The following AP2A2 variants were observed in gnomAD, a reference collection of about 807,000 sequenced individuals.
AP2A2 encodes the protein AP-2 complex subunit alpha-2.
Under a neutral mutation model 104.2 loss-of-function variants are expected in AP2A2, and 32 were observed. The ratio of observed to expected loss-of-function variants is 0.31; its 90% CI spans 0.23 to 0.41. The LOEUF (loss-of-function observed/expected upper bound fraction) is 0.41, where lower values mean the gene tolerates loss of function less well. Among genes scored for constraint, AP2A2 ranks in the 10% least tolerant of loss-of-function variants. The pLI, the probability that AP2A2 is intolerant of heterozygous loss-of-function variation, is 1.00. For missense variants in AP2A2, 912 were observed against 1,261.0 expected, an observed-to-expected ratio of 0.72 and a Z score of 4.19; for synonymous variants, 539 against 533.3, an observed-to-expected ratio of 1.01 and a Z score of -0.15.
rs1212966748 is a variant in AP2A2 at position 1,011,297 on chromosome 11, G to A, written c.*672G>A. The A allele has an allele frequency of 1.9e-6, 1 of 518,880 alleles. No individual in the cohort carries two copies. The highest frequency in any genetic ancestry group is 1.4e-5 in the South Asian group (1 of 71,594). The allele number at this position is 518,880 out of a possible 1,614,324, so 32.1% of individuals were successfully genotyped here. ...TCCTGCAGTCGCCGAGGCCTTGGAT[G>A]TGCAGCCAGGGGAGGAGCGTCCTGC... is the stretch of plus-strand genomic sequence containing the variant. On this transcript the variant is annotated 3_prime_UTR_variant, in exon 22 of 22. Transcript: ENST00000448903.
chr11:965,706 G>A (rs992276104), intron 2 of AP2A2, among the ~76,000 whole-genome samples: 1 of 152,248 alleles, frequency 6.6e-6, no homozygotes, highest in South Asian at 2.1e-4. Flanking sequence ...GCATGGGCAA[G>A]AAATCAGTGC....
chr11:963,175 C>G (rs971576301), intron 2 of AP2A2, among the ~76,000 whole-genome samples: 2 of 152,066 alleles, frequency 1.3e-5, no homozygotes, highest in African/African-American at 4.8e-5. Context: ...CCTGTAATTC[C>G]AGCCCTTTGG....
At chr11:984,897 T>C in intron 7 of AP2A2, 144 bp downstream of exon 7, 1 of 724,894 alleles carries the variant, frequency 1.4e-6, no homozygotes, top group Non-Finnish European at 2.3e-6. Context: ...AGTGCTGCTG[T>C]ATGCGCTGGC....
At chr11:985,976 C>T (rs1312256827) in intron 8 of AP2A2, among the ~76,000 whole-genome samples, 8 of 152,246 alleles carry the variant, frequency 5.3e-5, no homozygotes, top group African/African-American at 1.9e-4. Flanking sequence ...GTGCTGGAAA[C>T]GTCTGTGCCC....
chr11:1,003,655 C>T, intron 15 of AP2A2, 67 bp from the exon 16 acceptor site: 3 of 1,105,870 alleles, frequency 2.7e-6, no homozygotes, highest in Non-Finnish European at 3.8e-6. Context: ...AGTTTTTTTC[C>T]AGAACAAACC....
In AP2A2 at chr11:968,360, G is replaced by A. The variant is rs1448637543; in HGVS notation, c.137-1809G>A. 6.6e-6 allele frequency among the ~76,000 whole-genome samples: 1 copy of A among 152,078 alleles called. No homozygotes were observed. The highest frequency in any genetic ancestry group is 1.5e-5 in the Non-Finnish European group (1 of 68,020). Reference sequence around the variant, plus strand: ...CCCGGGAGCTCTAGAGCAGCTCTTCGTCTGGGGTCCCGCGGGAGCAGAGGC... The same window carrying A: ...CCCGGGAGCTCTAGAGCAGCTCTTCATCTGGGGTCCCGCGGGAGCAGAGGC... On this transcript the variant is annotated intron_variant, in intron 2 of 21. Coordinates refer to ENST00000448903, the MANE Select transcript of AP2A2 (RefSeq NM_012305.4). The surrounding 1 kb of genome is among the most constrained non-coding windows in gnomAD (Gnocchi z 4.2).
At chr11:997,222 G>C (rs988004812) in intron 14 of AP2A2, among the ~76,000 whole-genome samples, 1 of 152,090 alleles carries the variant, frequency 6.6e-6, no homozygotes, top group African/African-American at 2.4e-5. Flanking sequence ...TACTTCTTCC[G>C]AGCATCCTCT....
chr11:995,324 T>C, intron 14 of AP2A2: 1 of 455,942 alleles, frequency 2.2e-6, no homozygotes, highest in Non-Finnish European at 4.4e-6. Flanking sequence ...GAATGTGTCC[T>C]GTGGTATTTG....
At chr11:960,484 C>T (rs932287132) in intron 2 of AP2A2, among the ~76,000 whole-genome samples, 4 of 150,996 alleles carry the variant, frequency 2.6e-5, no homozygotes, top group African/African-American at 9.7e-5. Context: ...GTGATCTGCC[C>T]GCCTCGGCCT....
At chr11:928,365 T>C (rs1565221889) in intron 1 of AP2A2, among the ~76,000 whole-genome samples, 1 of 152,228 alleles carries the variant, frequency 6.6e-6, no homozygotes, top group Non-Finnish European at 1.5e-5. Flanking sequence ...TTCATAGGTA[T>C]GTGTGGGAAA....
intron 6 of AP2A2, among the ~76,000 whole-genome samples, chr11:982,074 A>T (rs562890667): frequency 7.0e-4 from 107 of 152,334 alleles, no homozygotes; most frequent in Middle Eastern, 3.4e-3. Flanking sequence ...CTTTTGAGAC[A>T]GAGTCTCACT....
chr11:927,448 A>G (rs1217160341), intron 1 of AP2A2, among the ~76,000 whole-genome samples: 1 of 151,080 alleles, frequency 6.6e-6, no homozygotes. Flanking sequence ...GATCAGGAGG[A>G]TAGTGGTTCT....
chr11:966,222 G>A (rs912396672), intron 2 of AP2A2, among the ~76,000 whole-genome samples: 3 of 152,232 alleles, frequency 2.0e-5, no homozygotes, highest in Admixed American at 2.0e-4. Flanking sequence ...GCCAGGCGCG[G>A]TGGCTCGTGC....
rs751066726 is a variant in AP2A2, at chr11:1,000,567, C to T, written c.2092C>T (p.Leu698Phe). 1 of 1,550,708 alleles carries T rather than the reference C, an allele frequency of 6.4e-7. No individual in the cohort carries two copies. The change falls in exon 15 of 22, where the codon CTC becomes TTC. Residue 698 changes from leucine to phenylalanine, a missense_variant. Leu to Phe is a conservative substitution (Grantham distance 22). Coordinates refer to ENST00000448903, the MANE Select transcript of AP2A2 (RefSeq NM_012305.4). ...FSDSASVVAP[L>F]APGSEDNFAR... ...AGACTCGGCCTCTGTGGTCGCGCCT[C>T]TCGCTCCTGGCTCCGAAGACAACTT... is the stretch of plus-strand genomic sequence containing the variant.
chr11:930,850 T>A (rs530116401), intron 1 of AP2A2, among the ~76,000 whole-genome samples: 4 of 152,292 alleles, frequency 2.6e-5, no homozygotes, highest in African/African-American at 9.6e-5. Context: ...ACATCTTGCA[T>A]AACTACAGGA....
At chr11:987,794 G>A (rs1345020102) in intron 9 of AP2A2, among the ~76,000 whole-genome samples, 2 of 152,246 alleles carry the variant, frequency 1.3e-5, no homozygotes, top group Non-Finnish European at 2.9e-5. Context: ...CCTAGTCACC[G>A]GTGCACATGC....
chr11:1,007,710 CA>C (rs1304176344), intron 17 of AP2A2: 6 of 463,842 alleles, frequency 1.3e-5, no homozygotes, highest in Non-Finnish European at 7.7e-6. Context: ...CTAACGGTGA[CA>C]AAAATTGTGT....
intron 1 of AP2A2, among the ~76,000 whole-genome samples, chr11:951,128 A>G (rs1854037531): frequency 6.6e-6 from 1 of 151,688 alleles, no homozygotes; most frequent in Admixed American, 6.6e-5. Context: ...TAAAATATAT[A>G]TTTCTTCCAA....
intron 4 of AP2A2, among the ~76,000 whole-genome samples, chr11:976,127 C>T (rs956319897): frequency 3.9e-5 from 6 of 152,162 alleles, no homozygotes; most frequent in Non-Finnish European, 7.3e-5. Flanking sequence ...GACGTGGCCT[C>T]GACCACACAT....
Sources: allele counts gnomAD v4.1 joint callset (sites outside exome capture counted in the v4.1 genomes callset), GRCh38; gene constraint gnomAD v4.1.1; non-coding constraint Gnocchi (gnomAD v3.1); transcripts MANE v1.5; gene names NCBI Gene and HGNC (gene_info 2026-07-23, HGNC 2026-07-21).